Variants in N4BP2 observed in about 807,000 individuals in gnomAD.
N4BP2 encodes the protein NEDD4 binding protein 2, also known as NEDD4-binding protein 2.
A neutral mutation model predicts 152.8 loss-of-function variants in N4BP2; 91 were observed. The observed-to-expected ratio is 0.60, with a 90% confidence interval of 0.50 to 0.71. N4BP2 has a LOEUF of 0.71. N4BP2 is among the 30% of genes least tolerant of loss of function. The pLI is 0.00. For synonymous variants in N4BP2, 646 were observed against 705.3 expected, an observed-to-expected ratio of 0.92 and a Z score of 1.33; for missense variants, 1,923 against 2,059.1, an observed-to-expected ratio of 0.93 and a Z score of 1.28.
At chr4:40,123,699 G>T (rs539874226) in intron 10 of N4BP2, among the ~76,000 whole-genome samples, 4 of 151,292 alleles carry the variant, frequency 2.6e-5, no homozygotes, top group African/African-American at 9.7e-5. Flanking sequence ...TGCCCAGGTT[G>T]GTTTTGAATT....
Position 40,102,465 on chromosome 4 carries a change from G to T in N4BP2, c.620G>T (p.Gly207Val). The T allele has an allele frequency of 6.2e-7, 1 of 1,613,692 alleles. No homozygotes were observed. Among genetic ancestry groups the T allele is most frequent in the Non-Finnish European group, 8.5e-7 (1 of 1,179,904 alleles). The part of the protein sequence containing the change: ...NLNGENLENS[G>V]STLSLNPLPS... ...AACGGTGAAAATTTAGAGAATTCTG[G>T]TTCTACTTTAAGTTTAAACCCATTA... The change falls in exon 4 of 18, where the codon GGT becomes GTT. Residue 207 changes from glycine (G) to valine (V), a missense_variant. Coordinates refer to ENST00000261435, the MANE Select transcript of N4BP2 (RefSeq NM_018177.6).
Position 40,142,662 on chromosome 4 carries a change from A to G in N4BP2, c.4786-11A>G. ...TTCTGTGTGTGTTACTTATTGTTTA[A>G]TATCTTATAGCCAAAGAAATTAAAA... is the stretch of plus-strand genomic sequence containing the variant. On this transcript the variant is annotated splice_polypyrimidine_tract_variant and intron_variant, in intron 14 of 17. Coordinates refer to ENST00000261435, the MANE Select transcript of N4BP2 (RefSeq NM_018177.6). The G allele has an allele frequency of 6.3e-7, 1 of 1,585,138 alleles. No homozygotes were observed.
At position 40,120,767 on chromosome 4, in the gene N4BP2, C is replaced by A. The variant is rs1190861245; in HGVS notation, c.2656C>A (p.Pro886Thr). 1 of 1,614,100 alleles carries A rather than the reference C, an allele frequency of 6.2e-7. No individual in the cohort carries two copies. The highest frequency in any genetic ancestry group is 1.3e-5 in the African/African-American group (1 of 75,042). ...CTCATTCAACATTATGGGTGACTGG[C>A]CTTCATCTGATTCTTTAGCTCAGAG... Reference protein sequence around the residue: ...KNSFNIMGDWPSSDSLAQREH... With the variant: ...KNSFNIMGDWTSSDSLAQREH... Residue 886 changes from proline (P) to threonine (T), a missense_variant, in exon 9 of 18, where the codon CCT (proline) becomes ACT (threonine). Pro to Thr is a conservative substitution (Grantham distance 38, BLOSUM62 -1). Transcript: ENST00000261435.
chr4:40,182,778 G>A, the N4BP2 span, among the ~76,000 whole-genome samples: 4 of 152,072 alleles, frequency 2.6e-5, no homozygotes, highest in Non-Finnish European at 5.9e-5. Context: ...CCAGGTTCAA[G>A]CGATTCTCCT....
Position 40,120,113 on chromosome 4 carries a change from A to G in N4BP2, c.2002A>G (p.Met668Val), listed in dbSNP as rs764854819. Residue 668 changes from methionine to valine, a missense_variant, in exon 9 of 18, where the codon ATG (methionine) becomes GTG (valine). Met to Val is a conservative substitution (Grantham distance 21). Coordinates refer to ENST00000261435, the MANE Select transcript of N4BP2 (RefSeq NM_018177.6). ...LNKRRKEISD[M>V]NPSIQSALIL... The stretch of plus-strand genomic sequence containing the variant: ...CAAAAGAAGAAAAGAAATAAGTGAT[A>G]TGAATCCTAGCATTCAAAGTGCTTT... 8 of 1,611,752 alleles carry G rather than the reference A, an allele frequency of 5.0e-6. No individual in the cohort carries two copies. Among genetic ancestry groups the G allele is most frequent in the East Asian group, 4.5e-5 (2 of 44,846 alleles).
chr4:40,071,477 C>G (rs546330262), intron 1 of N4BP2, among the ~76,000 whole-genome samples: 1 of 152,320 alleles, frequency 6.6e-6, no homozygotes, highest in East Asian at 1.9e-4. Flanking sequence ...GTGGTGAGAA[C>G]CTGATCATTT....
intron 7 of N4BP2, 57 bp downstream of exon 7, chr4:40,113,565 C>A: frequency 1.6e-6 from 2 of 1,215,070 alleles, no homozygotes; most frequent in Non-Finnish European, 2.4e-6. Flanking sequence ...AGACAAGGTC[C>A]GTTTAGATTT....
chr4:40,068,431 G>A (rs368875426), intron 1 of N4BP2, among the ~76,000 whole-genome samples: 1 of 152,092 alleles, frequency 6.6e-6, no homozygotes, highest in Non-Finnish European at 1.5e-5. Flanking sequence ...TTTCTTCTAC[G>A]AGTTTTAAGT....
At chr4:40,059,810 T>C (rs1733514259) in intron 1 of N4BP2, among the ~76,000 whole-genome samples, 2 of 152,196 alleles carry the variant, frequency 1.3e-5, no homozygotes, top group South Asian at 4.1e-4. Flanking sequence ...TTAAGCACTT[T>C]GCATATGTGA....
chr4:40,129,040 G>A (rs923898917), intron 12 of N4BP2, among the ~76,000 whole-genome samples: 2 of 151,780 alleles, frequency 1.3e-5, no homozygotes, highest in African/African-American at 4.8e-5. Context: ...AGTGATTTTT[G>A]CTTGTTTTTC....
At chr4:40,058,427 G>T (rs192448340) in intron 1 of N4BP2, among the ~76,000 whole-genome samples, 1 of 152,180 alleles carries the variant, frequency 6.6e-6, no homozygotes, top group Non-Finnish European at 1.5e-5. Flanking sequence ...GCTAGGATGG[G>T]GGGTAGGAGC....
At chr4:40,128,889 G>A (rs898045610) in intron 12 of N4BP2, among the ~76,000 whole-genome samples, 2 of 151,958 alleles carry the variant, frequency 1.3e-5, no homozygotes, top group Non-Finnish European at 2.9e-5. Context: ...GGCTTAAATG[G>A]TGTGATACTT....
chr4:40,164,526 T>A, the N4BP2 span, among the ~76,000 whole-genome samples: 3 of 152,164 alleles, frequency 2.0e-5, no homozygotes, highest in African/African-American at 7.2e-5. Context: ...ATAAAAATGT[T>A]TTCTTTATTT....
chr4:40,092,022 A>G (rs1424176340), intron 2 of N4BP2, among the ~76,000 whole-genome samples: 1 of 115,326 alleles, frequency 8.7e-6, no homozygotes, highest in Non-Finnish European at 1.8e-5. Flanking sequence ...ATATATATAT[A>G]TATATATATA....
intron 3 of N4BP2, chr4:40,100,256 A>G (rs541154925): frequency 2.8e-5 from 8 of 283,060 alleles, no homozygotes; most frequent in Non-Finnish European, 5.9e-5. Flanking sequence ...CAGAGCTGTT[A>G]CCTACTCTGC....
intron 3 of N4BP2, 53 bp from the exon 4 acceptor site, chr4:40,102,022 C>T: frequency 9.2e-7 from 1 of 1,089,254 alleles, no homozygotes; most frequent in South Asian, 2.0e-5. Flanking sequence ...ATTATTAAAT[C>T]TGTTTTCTCT....
At chr4:40,167,182 G>T in the N4BP2 span, 2 of 152,286 alleles carry the variant, frequency 1.3e-5, no homozygotes, top group Admixed American at 6.5e-5. Context: ...CTCTTAAATT[G>T]ATACAACTGC....
intron 1 of N4BP2, among the ~76,000 whole-genome samples, chr4:40,072,463 C>T (rs998773194): frequency 6.6e-6 from 1 of 151,794 alleles, no homozygotes; most frequent in Non-Finnish European, 1.5e-5. Flanking sequence ...CCAGGATGGT[C>T]TTGATCTCCT....
Position 40,122,272 on chromosome 4 carries a change from A to C in N4BP2, c.4161A>C (p.Gln1387His), listed in dbSNP as rs745623755. 6.3e-7 allele frequency: 1 copy of C among 1,589,832 alleles called. No homozygotes were observed. Among genetic ancestry groups the C allele is most frequent in the Non-Finnish European group, 8.6e-7 (1 of 1,166,354 alleles). The change falls in exon 9 of 18, where the codon CAA becomes CAC. Residue 1387 changes from glutamine to histidine, a missense_variant. Coordinates refer to ENST00000261435, the MANE Select transcript of N4BP2 (RefSeq NM_018177.6). ...CATTACCCCCTGAACTGGCTTTTCA[A>C]CTTAATGAATTATTTGGTCCTGTTG... ...ELALPPELAFQLNELFGPVGI... is the reference protein window; with the variant it reads ...ELALPPELAFHLNELFGPVGI...
Sources: gnomAD v4.1 joint callset for allele counts (sites outside exome capture counted in the v4.1 genomes callset) on GRCh38, gnomAD v4.1.1 for gene constraint, MANE v1.5 for transcripts, NCBI Gene and HGNC (gene_info 2026-07-23, HGNC 2026-07-21) for gene names.